ADAMTSL1: variants seen among roughly 807,000 people sequenced by gnomAD.
ADAMTSL1 encodes ADAMTS-like protein 1.
ADAMTSL1 carries 126 observed loss-of-function variants against 201.8 expected under a neutral mutation model. The ratio of observed to expected loss-of-function variants is 0.62; its 90% CI spans 0.54 to 0.72. The LOEUF is 0.72. ADAMTSL1 is among the 30% of genes least tolerant of loss of function. The probability of loss-of-function intolerance (pLI) is 0.00; values close to 1 mark genes in which losing one functional copy is unlikely to be tolerated. For synonymous variants in ADAMTSL1, 1,121 were observed against 903.4 expected (o/e 1.24, Z -4.32); for missense variants, 2,679 against 2,277.8 (o/e 1.18, Z -3.59).
Position 18,183,025 on chromosome 9 carries a change from T to G in ADAMTSL1, c.207+19044T>G, listed in dbSNP as rs114457102. On this transcript the variant is annotated intron_variant, in intron 2 of 29. Coordinates refer to the ADAMTSL1 transcript ENST00000680146. ...TAGACCTAGATGATTCTAAAGCCATTAATTCCTATATGTTATTGCCTGCCA... is the reference window on the plus strand; with the variant it reads ...TAGACCTAGATGATTCTAAAGCCATGAATTCCTATATGTTATTGCCTGCCA... 6.8e-3 allele frequency among the ~76,000 whole-genome samples: 1,038 copies of G among 152,288 alleles called. 15 individuals carry two copies. Among genetic ancestry groups the G allele is most frequent in the African/African-American group, 0.024 (1,001 of 41,558 alleles).
chr9:18,730,786 C>T (rs778578775), intron 15 of ADAMTSL1, among the ~76,000 whole-genome samples: 2 of 152,186 alleles, frequency 1.3e-5, no homozygotes, highest in African/African-American at 2.4e-5. Context: ...AGACACAGGC[C>T]GTGGGCTGCA....
intron 1 of ADAMTSL1, among the ~76,000 whole-genome samples, chr9:18,140,209 A>G (rs1826339234): frequency 1.3e-5 from 2 of 152,262 alleles, no homozygotes; most frequent in South Asian, 2.1e-4. Flanking sequence ...AAAAGAAGCC[A>G]TTGAAGTGGG....
At chr9:17,926,054 A>T (rs2131305079) in intron 1 of ADAMTSL1, among the ~76,000 whole-genome samples, 1 of 152,160 alleles carries the variant, frequency 6.6e-6, no homozygotes, top group South Asian at 2.1e-4. Flanking sequence ...CAGCCAAACA[A>T]AATACCTGCA....
chr9:18,705,898 A>G (rs1832203349), intron 13 of ADAMTSL1, among the ~76,000 whole-genome samples: 1 of 152,230 alleles, frequency 6.6e-6, no homozygotes, highest in Admixed American at 6.5e-5. Context: ...GGCACAAGTG[A>G]TGGAGTCACA....
At chr9:18,825,499 A>G (rs1824489865) in intron 21 of ADAMTSL1, among the ~76,000 whole-genome samples, 1 of 152,258 alleles carries the variant, frequency 6.6e-6, no homozygotes, top group Admixed American at 6.5e-5. Flanking sequence ...TTTCTACATA[A>G]GAGTGTCAAC....
At chr9:18,713,348 G>C (rs1446241580) in intron 14 of ADAMTSL1, among the ~76,000 whole-genome samples, 13 of 152,140 alleles carry the variant, frequency 8.5e-5, no homozygotes, top group Non-Finnish European at 1.3e-4. Flanking sequence ...CAGTATTCAG[G>C]AAACCCATCT....
At chr9:18,876,254 A>G (rs1223901288) in intron 23 of ADAMTSL1, among the ~76,000 whole-genome samples, 1 of 149,910 alleles carries the variant, frequency 6.7e-6, no homozygotes, top group East Asian at 2.0e-4. Flanking sequence ...ATTAGTATTG[A>G]GAGGTGTGGT....
At chr9:18,038,050 G>C (rs1388268715) in intron 1 of ADAMTSL1, among the ~76,000 whole-genome samples, 1 of 152,174 alleles carries the variant, frequency 6.6e-6, no homozygotes, top group Admixed American at 6.5e-5. Flanking sequence ...ACTTGGGAAA[G>C]TGTGATTCAA....
chr9:18,448,145 G>T (rs949824162), intron 2 of ADAMTSL1, among the ~76,000 whole-genome samples: 12 of 152,138 alleles, frequency 7.9e-5, no homozygotes, highest in African/African-American at 2.9e-4. Flanking sequence ...ATACACTTAG[G>T]AATACCCAGT....
At chr9:17,918,521 T>C (rs938891054) in intron 1 of ADAMTSL1, among the ~76,000 whole-genome samples, 3 of 151,918 alleles carry the variant, frequency 2.0e-5, no homozygotes, top group Non-Finnish European at 4.4e-5. Context: ...GAATCCTTTT[T>C]AATTTATTGA....
chr9:18,116,634 A>C (rs964704903), intron 1 of ADAMTSL1, among the ~76,000 whole-genome samples: 1 of 152,154 alleles, frequency 6.6e-6, no homozygotes, highest in Non-Finnish European at 1.5e-5. Flanking sequence ...TATGTAGCAG[A>C]TGTCTTATCT....
chr9:18,411,372 G>GT (rs970531285), intron 2 of ADAMTSL1, among the ~76,000 whole-genome samples: 2 of 151,042 alleles, frequency 1.3e-5, no homozygotes, highest in African/African-American at 2.4e-5. Flanking sequence ...GCTAATTTTT[G>GT]TTTTTTTATA....
chr9:18,908,161 G>T, intron 28 of ADAMTSL1: 1 of 454,090 alleles, frequency 2.2e-6, no homozygotes, highest in East Asian at 4.6e-5. Context: ...GGCACCTTCA[G>T]GAAGTAGAGG....
At chr9:18,800,499 A>G (rs1209297383) in intron 20 of ADAMTSL1, among the ~76,000 whole-genome samples, 1 of 152,064 alleles carries the variant, frequency 6.6e-6, no homozygotes, top group African/African-American at 2.4e-5. Context: ...TATCTGATAG[A>G]ATACTGAATA....
chr9:18,579,005 T>C lies in ADAMTSL1; in HGVS notation c.474+4739T>C, dbSNP rs536590995. 5.4e-3 allele frequency among the ~76,000 whole-genome samples: 826 copies of C among 151,970 alleles called. 9 individuals carry two copies. Among genetic ancestry groups the C allele is most frequent in the African/African-American group, 0.018 (764 of 41,430 alleles). On this transcript the variant is annotated intron_variant, in intron 4 of 28. Transcript: ENST00000380548. ...TGATGATGAGCATTTTTTCATGTGT[T>C]TTTTGGCTGCATAAATGTCTTCTTT...
intron 4 of ADAMTSL1, among the ~76,000 whole-genome samples, chr9:18,609,987 C>G (rs1825275872): frequency 6.6e-6 from 1 of 152,162 alleles, no homozygotes; most frequent in Non-Finnish European, 1.5e-5. Context: ...GTTGGTTGCA[C>G]CACAATGTCA....
intron 1 of ADAMTSL1, among the ~76,000 whole-genome samples, chr9:18,015,939 A>G (rs865974672): frequency 6.6e-6 from 1 of 152,068 alleles, no homozygotes; most frequent in Non-Finnish European, 1.5e-5. Flanking sequence ...CTTGCTGAAC[A>G]TAATAAAGAT....
intron 1 of ADAMTSL1, among the ~76,000 whole-genome samples, chr9:18,496,043 T>C (rs953417054): frequency 9.2e-5 from 14 of 152,306 alleles, no homozygotes; most frequent in African/African-American, 3.4e-4. Context: ...TCAATAACTG[T>C]AGATAACTCA....
intron 14 of ADAMTSL1, chr9:18,718,510 T>C: frequency 1.8e-6 from 1 of 554,808 alleles, no homozygotes. Context: ...CAAGAATGAC[T>C]AGCTTATACT....
Sources: gnomAD v4.1 joint callset for allele counts (sites outside exome capture counted in the v4.1 genomes callset) on GRCh38, gnomAD v4.1.1 for gene constraint, MANE v1.5 for transcripts, NCBI Gene and HGNC (gene_info 2026-07-23, HGNC 2026-07-21) for gene names.